ZFPM1: variants seen among roughly 807,000 people sequenced by gnomAD.
The protein encoded by ZFPM1 is zinc finger protein, FOG family member 1.
A neutral mutation model predicts 46.3 loss-of-function variants in ZFPM1; 28 were observed. The ratio of observed to expected loss-of-function variants is 0.60; its 90% CI spans 0.45 to 0.83. ZFPM1 has a LOEUF of 0.83. ZFPM1 is among the 40% of genes least tolerant of loss of function. The probability of loss-of-function intolerance (pLI) is 0.00; values close to 1 mark genes in which losing one functional copy is unlikely to be tolerated. For synonymous variants in ZFPM1, 957 were observed against 675.9 expected, an observed-to-expected ratio of 1.42 and a Z score of -6.45; for missense variants, 1,878 against 1,432.4, an observed-to-expected ratio of 1.31 and a Z score of -5.02.
chr16:88,500,147 C>G (rs1910170270), intron 3 of ZFPM1, among the ~76,000 whole-genome samples: 1 of 152,170 alleles, frequency 6.6e-6, no homozygotes, highest in Non-Finnish European at 1.5e-5. Flanking sequence ...ACCACCAGCC[C>G]CCACCCAGGC....
At position 88,534,292 on chromosome 16, in the gene ZFPM1, C is replaced by CCCCGGCCTCGCCCCTGCGCGCTCG. The variant is rs1248366376; in HGVS notation, c.2342_2365dup (p.Leu781_Gly788dup). 3.0e-5 allele frequency: 36 copies of CCCCGGCCTCGCCCCTGCGCGCTCG among 1,215,708 alleles called. No homozygotes were observed. Among genetic ancestry groups the CCCCGGCCTCGCCCCTGCGCGCTCG allele is most frequent in the African/African-American group, 6.5e-5 (4 of 61,546 alleles). The allele number at this position is 1,215,708 out of a possible 1,614,324, so 75.3% of individuals were successfully genotyped here. On this transcript the variant is annotated inframe_insertion, in exon 10 of 10. Transcript: ENST00000319555. ...GGCCCGGAAGCGGAAGCGGAAGCGG[C>CCCCGGCCTCGCCCCTGCGCGCTCG]CCCGGCCTCGCCCCTGCGCGCTCGC...
At chr16:88,506,023 C>T (rs923209594) in intron 3 of ZFPM1, among the ~76,000 whole-genome samples, 2 of 152,328 alleles carry the variant, frequency 1.3e-5, no homozygotes, top group Admixed American at 6.5e-5. Flanking sequence ...TAACCTCTGG[C>T]CTGGGGTGAG....
intron 4 of ZFPM1, among the ~76,000 whole-genome samples, chr16:88,516,816 G>A (rs1911330317): frequency 6.6e-6 from 1 of 152,154 alleles, no homozygotes; most frequent in Admixed American, 6.5e-5. Flanking sequence ...GAAGGGGGAG[G>A]GGTGCAGATG....
Position 88,489,025 on chromosome 16 carries a change from C to T in ZFPM1, c.146-6C>T. 2 of 1,611,850 alleles carry T rather than the reference C, an allele frequency of 1.2e-6. No homozygotes were observed. Among genetic ancestry groups the T allele is most frequent in the Non-Finnish European group, 1.7e-6 (2 of 1,179,066 alleles). On this transcript the variant is annotated splice_polypyrimidine_tract_variant and splice_region_variant and intron_variant, in intron 2 of 9. Transcript: ENST00000319555. ...CAGGGATGTGACGGTGTTTTCCTCT[C>T]TGCAGATGTTAACTCACCCCCACCG... is the stretch of plus-strand genomic sequence containing the variant.
chr16:88,523,627 G>A (rs745841127), intron 4 of ZFPM1, among the ~76,000 whole-genome samples: 4 of 152,224 alleles, frequency 2.6e-5, no homozygotes, highest in African/African-American at 7.2e-5. Flanking sequence ...GGTGGCCCCT[G>A]CATCCTCAGC....
chr16:88,489,509 C>T (rs1055525366), intron 3 of ZFPM1, among the ~76,000 whole-genome samples: 5 of 152,190 alleles, frequency 3.3e-5, no homozygotes, highest in Non-Finnish European at 5.9e-5. Context: ...CTGAGCTGCC[C>T]GGGCCCGTGG....
chr16:88,472,040 G>A (rs1019555643), intron 1 of ZFPM1, among the ~76,000 whole-genome samples: 2 of 152,214 alleles, frequency 1.3e-5, no homozygotes, highest in African/African-American at 4.8e-5. Flanking sequence ...AGTCTGTTGG[G>A]GCCACTCTCA....
intron 5 of ZFPM1, among the ~76,000 whole-genome samples, chr16:88,527,457 C>G (rs1193116978): frequency 6.6e-6 from 1 of 152,128 alleles, no homozygotes; most frequent in African/African-American, 2.4e-5. Context: ...TGGGCTTAGG[C>G]AGGTCCACTG....
At position 88,507,952 on chromosome 16, in the gene ZFPM1, C is replaced by T. The variant is rs137904560; in HGVS notation, c.269-6435C>T. Among the ~76,000 whole-genome samples the T allele has an allele frequency of 4.9e-3, 746 of 152,242 alleles. 5 individuals are homozygous for T. Among genetic ancestry groups the T allele is most frequent in the African/African-American group, 0.017 (703 of 41,546 alleles). On this transcript the variant is annotated intron_variant, in intron 3 of 9. Coordinates refer to ENST00000319555, the MANE Select transcript of ZFPM1 (RefSeq NM_153813.3). ...TGGTTGCCCCATCTGTAAACAGGAA[C>T]CTAAAAAGGGGATCACAGGAAGGGG...
At chr16:88,493,463 G>GGAGCTGTCCCGGGGTGGGGA (rs1567537687) in intron 3 of ZFPM1, among the ~76,000 whole-genome samples, 2 of 105,002 alleles carry the variant, frequency 1.9e-5, no homozygotes, top group Non-Finnish European at 3.7e-5. Context: ...CGGGCTGCGG[G>GGAGCTGTCCCGGGGTGGGGA]GAGCTGTCCC....
intron 4 of ZFPM1, among the ~76,000 whole-genome samples, chr16:88,517,314 ATGAGTGGGTCGG>A (rs1421326868): frequency 7.6e-6 from 1 of 131,128 alleles, no homozygotes; most frequent in Non-Finnish European, 1.6e-5. Flanking sequence ...GGACAGATGG[ATGAGTGGGTCGG>A]TGGGTGGGTA....
intron 6 of ZFPM1, among the ~76,000 whole-genome samples, chr16:88,529,872 T>C (rs1281120828): frequency 6.6e-6 from 1 of 152,162 alleles, no homozygotes; most frequent in African/African-American, 2.4e-5. Context: ...CAGGACATAA[T>C]AGCCCATGTT....
At chr16:88,499,422 G>A (rs1910125637) in intron 3 of ZFPM1, among the ~76,000 whole-genome samples, 1 of 152,252 alleles carries the variant, frequency 6.6e-6, no homozygotes, top group Admixed American at 6.5e-5. Context: ...CGCGCAGCGG[G>A]TGGGAGACGC....
Position 88,534,422 on chromosome 16 carries a change from T to C in ZFPM1, c.2464T>C (p.Cys822Arg). 1 of 1,492,078 alleles carries C rather than the reference T, an allele frequency of 6.7e-7. No homozygotes were observed. Among genetic ancestry groups the C allele is most frequent in the Admixed American group, 2.1e-5 (1 of 46,700 alleles). The allele number at this position is 1,492,078 out of a possible 1,614,324, so 92.4% of individuals were successfully genotyped here. ...ALADYHECTA[C>R]RVSFHSLEAY... Reference sequence around the variant, plus strand: ...GGCCGACTACCACGAGTGCACGGCCTGCCGCGTGAGCTTCCACAGCCTCGA... The same window carrying C: ...GGCCGACTACCACGAGTGCACGGCCCGCCGCGTGAGCTTCCACAGCCTCGA... Residue 822 changes from cysteine to arginine, a missense_variant, in exon 10 of 10, where the codon TGC becomes CGC. Physicochemically the swap from Cys to Arg is radical, Grantham distance 180 (BLOSUM62 -3). Transcript: ENST00000319555.
intron 3 of ZFPM1, among the ~76,000 whole-genome samples, chr16:88,493,556 G>T (rs965824225): frequency 6.8e-6 from 1 of 147,904 alleles, no homozygotes; most frequent in Non-Finnish European, 1.5e-5. Context: ...GCTGTCCCGG[G>T]GTGGGGAGAG....
At position 88,530,125 on chromosome 16, in the gene ZFPM1, G is replaced by C. The variant is rs150785970; in HGVS notation, c.713-1877G>C. 1.2e-3 allele frequency among the ~76,000 whole-genome samples: 182 copies of C among 152,300 alleles called. No individual in the cohort carries two copies. The Middle Eastern group carries it at 0.034, about 28-fold the overall frequency. ...GGGAGGCCATTGCACCCCTCCACCA[G>C]GATGGAGAGGGGGTGCCCCCGTAGT... On this transcript the variant is annotated intron_variant, in intron 6 of 9. Coordinates refer to ENST00000319555, the MANE Select transcript of ZFPM1 (RefSeq NM_153813.3).
intron 1 of ZFPM1, among the ~76,000 whole-genome samples, chr16:88,482,783 T>C (rs947096411): frequency 1.3e-5 from 2 of 151,922 alleles, no homozygotes; most frequent in African/African-American, 4.8e-5. Context: ...CCCTCCCAGC[T>C]CCATGCCAGC....
In ZFPM1 at chr16:88,453,802, GC is replaced by G. The variant is rs1907405457; in HGVS notation, c.40+130del. On this transcript the variant is annotated intron_variant, in intron 1 of 9. Coordinates refer to ENST00000319555, the MANE Select transcript of ZFPM1 (RefSeq NM_153813.3). ...GCCGGCGACCTTCACCCCGCGCCGC[GC>G]CCCCCGCGCTGTGCCAAGCGCGCCG... 1.2e-5 allele frequency: 6 copies of G among 520,466 alleles called. No homozygotes were observed. In the South Asian group the frequency reaches 3.1e-4, roughly 27 times the overall value. The allele number at this position is 520,466 out of a possible 1,614,324, so 32.2% of individuals were successfully genotyped here.
In ZFPM1 at chr16:88,515,153, G is replaced by A. The variant is rs1358403924; in HGVS notation, c.402+633G>A. Reference sequence around the variant, plus strand: ...GGTATAATGGTTTCTTTTAAACCACGTCTCAGCTAAGAAAGGGCACTGGTA... The same window carrying A: ...GGTATAATGGTTTCTTTTAAACCACATCTCAGCTAAGAAAGGGCACTGGTA... On this transcript the variant is annotated intron_variant, in intron 4 of 9. Transcript: ENST00000319555. 5.9e-5 allele frequency among the ~76,000 whole-genome samples: 9 copies of A among 152,310 alleles called. 1 individual carries two copies. Among genetic ancestry groups the A allele is most frequent in the Middle Eastern group, 6.8e-3 (2 of 294 alleles).
Sources: allele counts gnomAD v4.1 joint callset (sites outside exome capture counted in the v4.1 genomes callset), GRCh38; gene constraint gnomAD v4.1.1; transcripts MANE v1.5; gene names NCBI Gene and HGNC (gene_info 2026-07-23, HGNC 2026-07-21).